PDE10A: variants seen among roughly 807,000 people sequenced by gnomAD.
PDE10A encodes phosphodiesterase 10A.
Under a neutral mutation model 97.7 loss-of-function variants are expected in PDE10A, and 39 were observed. The ratio of observed to expected loss-of-function variants is 0.40; its 90% CI spans 0.31 to 0.52. The LOEUF (loss-of-function observed/expected upper bound fraction) is 0.52, where lower values mean the gene tolerates loss of function less well. PDE10A is among the 20% of genes least tolerant of loss of function. PDE10A has a pLI of 0.56. For missense variants in PDE10A, 731 were observed against 1,047.8 expected (o/e 0.70, Z 4.17); for synonymous variants, 371 against 376.8 (o/e 0.98, Z 0.18).
chr6:165,388,269 T>C lies in PDE10A; in HGVS notation c.2610+29A>G. On this transcript the variant is annotated intron_variant, in intron 17 of 21. Transcript: ENST00000539869. The surrounding 1 kb of genome is among the most constrained non-coding windows in gnomAD (Gnocchi z 4.0). ...CTATCTCCCAGACAGCCCTTCAGAC[T>C]AAGCGAGAGACGGCGTGCAGTGACT... 6.2e-7 allele frequency: 1 copy of C among 1,610,900 alleles called. No individual in the cohort carries two copies. The highest frequency in any genetic ancestry group is 1.1e-5 in the South Asian group (1 of 90,992).
chr6:165,618,441 T>G (rs73786669), intron 1 of PDE10A, among the ~76,000 whole-genome samples: 1,715 of 152,274 alleles, frequency 0.011, 31 homozygotes, highest in African/African-American at 0.039. Context: ...GGTGGCCACG[T>G]GTCCACCATC....
At chr6:165,411,853 T>A (rs1010374055) in intron 13 of PDE10A, among the ~76,000 whole-genome samples, 1 of 152,186 alleles carries the variant, frequency 6.6e-6, no homozygotes, top group Non-Finnish European at 1.5e-5. Context: ...GGAATATGGA[T>A]AAAGGTATAC....
At chr6:165,694,375 C>T (rs1200018559) in intron 1 of PDE10A, among the ~76,000 whole-genome samples, 8 of 152,236 alleles carry the variant, frequency 5.3e-5, no homozygotes, top group Non-Finnish European at 1.2e-4. Context: ...CTGAAGTGGG[C>T]TGCGGGCACA....
At chr6:165,759,403 C>T (rs901509837) in intron 1 of PDE10A, among the ~76,000 whole-genome samples, 6 of 152,092 alleles carry the variant, frequency 3.9e-5, no homozygotes, top group Admixed American at 1.3e-4. Flanking sequence ...CCAGTCCAGG[C>T]GAGGACCTGC....
intron 1 of PDE10A, among the ~76,000 whole-genome samples, chr6:165,957,270 C>G (rs764632138): frequency 1.3e-5 from 2 of 152,102 alleles, no homozygotes; most frequent in Non-Finnish European, 2.9e-5. Context: ...CACTTGAGAC[C>G]AGGAGTTTGA....
chr6:165,871,672 G>C (rs1386479845), intron 1 of PDE10A, among the ~76,000 whole-genome samples: 2 of 152,206 alleles, frequency 1.3e-5, no homozygotes, highest in East Asian at 3.8e-4. Context: ...GCAGTGGGTG[G>C]ATTTGCATGC....
chr6:165,633,336 TG>T (rs1320214973), intron 1 of PDE10A, among the ~76,000 whole-genome samples: 3 of 152,178 alleles, frequency 2.0e-5, no homozygotes, highest in Admixed American at 1.3e-4. Context: ...TTCATGTCCC[TG>T]AAATGTGGCT....
At chr6:165,382,244 GAT>G (rs1178140369) in intron 17 of PDE10A, among the ~76,000 whole-genome samples, 1 of 152,116 alleles carries the variant, frequency 6.6e-6, no homozygotes, top group Non-Finnish European at 1.5e-5. Flanking sequence ...GCCTTGAATA[GAT>G]GATTCTCAAC....
intron 1 of PDE10A, among the ~76,000 whole-genome samples, chr6:165,678,624 C>T (rs1163776389): frequency 2.0e-5 from 3 of 152,100 alleles, no homozygotes; most frequent in Non-Finnish European, 4.4e-5. Context: ...CCATGCCACC[C>T]GGTCCCCAGC....
intron 1 of PDE10A, among the ~76,000 whole-genome samples, chr6:165,811,982 A>G (rs532128072): frequency 4.2e-4 from 64 of 152,200 alleles, no homozygotes; most frequent in African/African-American, 1.3e-3. Context: ...CCTCCCGAGT[A>G]GCTGGGATTA....
At chr6:165,394,537 CAT>C (rs1222465898) in intron 15 of PDE10A, among the ~76,000 whole-genome samples, 2 of 152,178 alleles carry the variant, frequency 1.3e-5, no homozygotes, top group East Asian at 1.9e-4. Flanking sequence ...TATGTGTGCA[CAT>C]GTCTTTATAG....
chr6:165,543,706 G>A (rs143137980), intron 1 of PDE10A, 138 bp from the exon 2 acceptor site: 13,413 of 594,414 alleles, frequency 0.023, 204 homozygotes, highest in Non-Finnish European at 0.024. Context: ...AGCGGGAAGG[G>A]GAAGCTACTG....
intron 1 of PDE10A, among the ~76,000 whole-genome samples, chr6:165,614,608 C>T (rs775444252): frequency 2.0e-4 from 30 of 152,296 alleles, no homozygotes; most frequent in Non-Finnish European, 3.4e-4. Flanking sequence ...CCCAACACAG[C>T]AAGCCTGCAT....
intron 1 of PDE10A, among the ~76,000 whole-genome samples, chr6:165,886,037 C>G (rs1781623368): frequency 6.6e-6 from 1 of 152,208 alleles, no homozygotes; most frequent in African/African-American, 2.4e-5. Context: ...GCCAAGAAAA[C>G]TGTAAACATA....
rs549863949 is a variant in PDE10A, at chr6:165,710,333, G to A, written c.-614-166765C>T. 9.8e-5 allele frequency among the ~76,000 whole-genome samples: 15 copies of A among 152,292 alleles called. No individual in the cohort carries two copies. In the South Asian group the frequency reaches 2.1e-3, roughly 21 times the overall value. On this transcript the variant is annotated intron_variant, in intron 1 of 19. Transcript: ENST00000366882. ...TAGCAGGGGCAAAAACATATTTGTA[G>A]AAGAATGAACCCACTTCACCCCTTG...
At chr6:165,438,041 C>T (rs1015851907) in intron 5 of PDE10A, among the ~76,000 whole-genome samples, 2 of 152,148 alleles carry the variant, frequency 1.3e-5, no homozygotes, top group Admixed American at 6.5e-5. Context: ...ACATACTCAG[C>T]GCTAGGGAAA....
rs140398480 is a variant in PDE10A, at chr6:165,579,491, C to A, written c.866-35923G>T. 7.9e-5 allele frequency among the ~76,000 whole-genome samples: 12 copies of A among 152,316 alleles called. No homozygotes were observed. The South Asian group carries it at 1.2e-3, about 16-fold the overall frequency. ...TTGTCTCTCACACCTCACATCCATACCATTAAGCAGTCCTGTTGTTGCAAA... is the reference window on the plus strand; with the variant it reads ...TTGTCTCTCACACCTCACATCCATAACATTAAGCAGTCCTGTTGTTGCAAA... On this transcript the variant is annotated intron_variant, in intron 1 of 21. Transcript: ENST00000539869.
At chr6:165,618,979 CTAGTGTAGTG>C (rs750517073) in intron 1 of PDE10A, among the ~76,000 whole-genome samples, 8 of 117,620 alleles carry the variant, frequency 6.8e-5, no homozygotes, top group African/African-American at 2.9e-4. Flanking sequence ...GTAGTGTAGT[CTAGTGTAGTG>C]TAGTCTAGTG....
chr6:165,774,743 T>A (rs1778120379), intron 1 of PDE10A: 1 of 149,816 alleles, frequency 6.7e-6, no homozygotes, highest in Non-Finnish European at 1.5e-5. Context: ...TTTTCTTTAC[T>A]CAAACAGAGT....
Sources: gnomAD v4.1 joint callset for allele counts (sites outside exome capture counted in the v4.1 genomes callset) on GRCh38, gnomAD v4.1.1 for gene constraint, Gnocchi (gnomAD v3.1) non-coding constraint, MANE v1.5 for transcripts, NCBI Gene and HGNC (gene_info 2026-07-23, HGNC 2026-07-21) for gene names.